DENND1A: variants seen among roughly 807,000 people sequenced by gnomAD.
DENND1A encodes the protein DENN domain containing 1A.
In DENND1A, 51 loss-of-function variants were observed where a neutral mutation model predicts 113.7. That is an observed-to-expected ratio of 0.45 (90% CI 0.36 to 0.57). DENND1A has a LOEUF of 0.57. Ranked by LOEUF, DENND1A falls within the 20% of genes least tolerant of loss-of-function variation. DENND1A has a pLI of 0.00. For synonymous variants in DENND1A, 565 were observed against 570.8 expected, an observed-to-expected ratio of 0.99 and a Z score of 0.14; for missense variants, 1,258 against 1,395.9, an observed-to-expected ratio of 0.90 and a Z score of 1.57.
In DENND1A at chr9:123,667,554, T is replaced by C. The variant is rs536733543; in HGVS notation, c.454-475A>G. 3.0e-4 allele frequency among the ~76,000 whole-genome samples: 45 copies of C among 152,056 alleles called. 1 individual carries two copies. The South Asian group carries it at 8.3e-3, about 28-fold the overall frequency. On this transcript the variant is annotated intron_variant, in intron 7 of 23. Coordinates refer to ENST00000394215, the MANE Select transcript of DENND1A (RefSeq NM_001352964.2). ...ATCGTTTGAACCCGGGAGGTGGAGGTTGCAGTGAGCTGAGATTGTGCCACT... is the reference window on the plus strand; with the variant it reads ...ATCGTTTGAACCCGGGAGGTGGAGGCTGCAGTGAGCTGAGATTGTGCCACT...
chr9:123,447,332 T>C (rs1467180427), intron 18 of DENND1A, among the ~76,000 whole-genome samples: 1 of 152,206 alleles, frequency 6.6e-6, no homozygotes, highest in Non-Finnish European at 1.5e-5. Context: ...AGAGCAGGTA[T>C]GGAATAAAGT....
intron 3 of DENND1A, among the ~76,000 whole-genome samples, chr9:123,788,438 A>G (rs1208996243): frequency 2.0e-5 from 3 of 152,120 alleles, no homozygotes; most frequent in African/African-American, 7.2e-5. Context: ...TGTTAATTTA[A>G]CCATTCTTTT....
chr9:123,639,339 TGA>T (rs1472043995), intron 9 of DENND1A, among the ~76,000 whole-genome samples: 2 of 150,750 alleles, frequency 1.3e-5, no homozygotes, highest in Non-Finnish European at 1.5e-5. Context: ...CTTGGGAGGC[TGA>T]GGCACGAGTA....
At chr9:123,430,322 C>T (rs1423237071) in intron 19 of DENND1A, among the ~76,000 whole-genome samples, 6 of 152,194 alleles carry the variant, frequency 3.9e-5, no homozygotes, top group African/African-American at 1.4e-4. Context: ...TTTGACCCAG[C>T]AATCCATTAC....
intron 5 of DENND1A, among the ~76,000 whole-genome samples, chr9:123,718,322 T>C (rs1387228191): frequency 2.0e-5 from 3 of 152,204 alleles, no homozygotes; most frequent in African/African-American, 7.2e-5. Context: ...ACTGCTATTA[T>C]GGTTGCCAAG....
intron 11 of DENND1A, among the ~76,000 whole-genome samples, chr9:123,607,380 G>A (rs1248782228): frequency 2.7e-5 from 4 of 149,636 alleles, no homozygotes; most frequent in Non-Finnish European, 5.9e-5. Flanking sequence ...CATGATCAGT[G>A]TGTTCCACTT....
chr9:123,910,856 T>C (rs1853826492), intron 1 of DENND1A, among the ~76,000 whole-genome samples: 1 of 152,322 alleles, frequency 6.6e-6, no homozygotes, highest in Middle Eastern at 3.4e-3. Context: ...GGCATAAGAA[T>C]CACTTGAACC....
chr9:123,835,577 TTCA>T (rs1458440751), intron 2 of DENND1A, among the ~76,000 whole-genome samples: 3 of 151,844 alleles, frequency 2.0e-5, no homozygotes, highest in African/African-American at 7.3e-5. Flanking sequence ...AGAAGTCTAG[TTCA>T]TCTAGACCCT....
At chr9:123,755,073 C>T (rs2070401898) in intron 5 of DENND1A, among the ~76,000 whole-genome samples, 1 of 151,856 alleles carries the variant, frequency 6.6e-6, no homozygotes, top group Non-Finnish European at 1.5e-5. Flanking sequence ...ATACATAGTT[C>T]ACCTTGGACA....
chr9:123,634,313 T>G (rs2061608258), intron 9 of DENND1A, among the ~76,000 whole-genome samples: 1 of 152,210 alleles, frequency 6.6e-6, no homozygotes, highest in South Asian at 2.1e-4. Context: ...TAAAATGCAT[T>G]ACTCATTTGA....
chr9:123,903,171 A>C (rs2133917147), intron 1 of DENND1A, among the ~76,000 whole-genome samples: 1 of 150,854 alleles, frequency 6.6e-6, no homozygotes, highest in African/African-American at 2.4e-5. Flanking sequence ...TCTCTACTAA[A>C]AATACAAAAA....
At chr9:123,655,218 C>T (rs769833677) in intron 8 of DENND1A, among the ~76,000 whole-genome samples, 32 of 152,160 alleles carry the variant, frequency 2.1e-4, no homozygotes, top group Non-Finnish European at 3.8e-4. Flanking sequence ...TACAGTAACT[C>T]AGTTTTAAGT....
chr9:123,720,627 T>A (rs914393937), intron 5 of DENND1A, among the ~76,000 whole-genome samples: 1 of 152,216 alleles, frequency 6.6e-6, no homozygotes, highest in Admixed American at 6.5e-5. Context: ...TCAAAATACA[T>A]GCAAACTCTT....
At chr9:123,675,936 T>C (rs1660229780) in intron 6 of DENND1A, among the ~76,000 whole-genome samples, 1 of 152,208 alleles carries the variant, frequency 6.6e-6, no homozygotes, top group South Asian at 2.1e-4. Context: ...ATGCGAATGG[T>C]TACACTTCTC....
At chr9:123,908,993 A>G (rs1853435022) in intron 1 of DENND1A, among the ~76,000 whole-genome samples, 1 of 152,220 alleles carries the variant, frequency 6.6e-6, no homozygotes, top group African/African-American at 2.4e-5. Flanking sequence ...TGTGACACAT[A>G]TACACCATGG....
rs1265133559 is a variant in DENND1A at position 123,711,517 on chromosome 9, A to G, written c.303-34728T>C. On this transcript the variant is annotated intron_variant, in intron 5 of 23. Coordinates refer to ENST00000394215, the MANE Select transcript of DENND1A (RefSeq NM_001352964.2). The stretch of plus-strand genomic sequence containing the variant: ...TATATATATATATGTATATATGTAT[A>G]TATATATATATATATATATATAAAT... Among the ~76,000 whole-genome samples the G allele has an allele frequency of 9.7e-4, 83 of 85,304 alleles. 1 individual carries two copies. The highest frequency in any genetic ancestry group is 6.0e-3 in the Middle Eastern group (1 of 166). 56.0% of individuals were successfully genotyped at this position (85,304 alleles called of 152,430 possible). A position where few individuals can be genotyped will look rare whatever the true frequency, so the allele number is the denominator to read the frequency against.
intron 5 of DENND1A, among the ~76,000 whole-genome samples, chr9:123,725,610 A>T (rs2067649208): frequency 6.6e-6 from 1 of 152,242 alleles, no homozygotes; most frequent in African/African-American, 2.4e-5. Flanking sequence ...GGCTTTGCTT[A>T]GCTGCAAGCA....
intron 13 of DENND1A, among the ~76,000 whole-genome samples, chr9:123,554,512 G>A (rs1010230593): frequency 1.3e-5 from 2 of 152,184 alleles, no homozygotes; most frequent in African/African-American, 4.8e-5. Context: ...TAGAAGAGGG[G>A]AATTTGCCAA....
At chr9:123,669,475 C>T (rs894037963) in intron 7 of DENND1A, among the ~76,000 whole-genome samples, 1 of 152,228 alleles carries the variant, frequency 6.6e-6, no homozygotes, top group Non-Finnish European at 1.5e-5. Flanking sequence ...CTAGAAACCA[C>T]TGGCATGAAA....
Sources: allele counts gnomAD v4.1 joint callset (sites outside exome capture counted in the v4.1 genomes callset), GRCh38; gene constraint gnomAD v4.1.1; transcripts MANE v1.5; gene names NCBI Gene and HGNC (gene_info 2026-07-23, HGNC 2026-07-21).